The following CDKL2 variants were observed in gnomAD, a reference collection of about 807,000 sequenced individuals.
The protein encoded by CDKL2 is cyclin dependent kinase like 2, also known as cyclin-dependent kinase-like 2.
A neutral mutation model predicts 63.9 loss-of-function variants in CDKL2; 64 were observed. The ratio of observed to expected loss-of-function variants is 1.00; its 90% confidence interval spans 0.82 to 1.23. The LOEUF is 1.23. CDKL2 is among the 50% of genes most tolerant of loss of function. The probability of loss-of-function intolerance (pLI) is 0.00; values close to 1 mark genes in which losing one functional copy is unlikely to be tolerated. For missense variants in CDKL2, 656 were observed against 668.0 expected (o/e 0.98, Z 0.20); for synonymous variants, 211 against 229.2 (o/e 0.92, Z 0.72).
chr4:75,615,303 C>G (rs1415559989), intron 2 of CDKL2, among the ~76,000 whole-genome samples: 1 of 152,074 alleles, frequency 6.6e-6, no homozygotes, highest in Non-Finnish European at 1.5e-5. Context: ...AAGACTCAGA[C>G]TTTATTATAA....
chr4:75,581,614 G>A (rs967439524), intron 13 of CDKL2, among the ~76,000 whole-genome samples, 196 bp downstream of exon 13: 3 of 152,186 alleles, frequency 2.0e-5, no homozygotes, highest in Non-Finnish European at 2.9e-5. Flanking sequence ...AGAGATGTAC[G>A]CTCTGCGAAA....
intron 2 of CDKL2, among the ~76,000 whole-genome samples, chr4:75,622,715 CAAAAAAAAAAAAAA>C (rs1171964321): frequency 1.1e-3 from 16 of 13,960 alleles, no homozygotes; most frequent in East Asian, 6.5e-3. Flanking sequence ...AAGACTCCAT[CAAAAAAAAAAAAAA>C]AAAAAAAAAA....
At chr4:75,623,295 A>G (rs1730253646) in intron 2 of CDKL2, among the ~76,000 whole-genome samples, 2 of 152,128 alleles carry the variant, frequency 1.3e-5, no homozygotes, top group Admixed American at 1.3e-4. Context: ...AAACCTACTA[A>G]CTAGAATAAA....
chr4:75,586,727 T>C (rs1728497288), intron 12 of CDKL2, among the ~76,000 whole-genome samples: 1 of 152,230 alleles, frequency 6.6e-6, no homozygotes, highest in Non-Finnish European at 1.5e-5. Flanking sequence ...AACTCTGTGA[T>C]GTTGGATTAG....
At chr4:75,612,960 T>C (rs1729767604) in intron 3 of CDKL2, among the ~76,000 whole-genome samples, 1 of 152,096 alleles carries the variant, frequency 6.6e-6, no homozygotes, top group Non-Finnish European at 1.5e-5. Context: ...CCGTCTCTAC[T>C]AAAAATATAA....
chr4:75,613,327 G>C (rs1456293745), intron 3 of CDKL2, among the ~76,000 whole-genome samples: 1 of 152,124 alleles, frequency 6.6e-6, no homozygotes, highest in Non-Finnish European at 1.5e-5. Context: ...TAAAAAATTA[G>C]AGACAGTGAA....
intron 3 of CDKL2, among the ~76,000 whole-genome samples, chr4:75,612,683 C>A (rs747629320): frequency 6.6e-6 from 1 of 152,228 alleles, no homozygotes; most frequent in Non-Finnish European, 1.5e-5. Flanking sequence ...TCCTGCAAAT[C>A]CAACATTATT....
chr4:75,586,081 C>T (rs750066009), intron 12 of CDKL2, among the ~76,000 whole-genome samples: 20 of 152,098 alleles, frequency 1.3e-4, no homozygotes, highest in Non-Finnish European at 2.8e-4. Flanking sequence ...TATTCTCTGA[C>T]TACAATGGAA....
intron 2 of CDKL2, among the ~76,000 whole-genome samples, chr4:75,618,230 T>C (rs1306747032): frequency 6.8e-6 from 1 of 146,748 alleles, no homozygotes; most frequent in Non-Finnish European, 1.5e-5. Context: ...AGGCCTCCAA[T>C]TGAAAATTCT....
intron 5 of CDKL2, 76 bp from the exon 6 acceptor site, chr4:75,604,032 TA>T: frequency 7.3e-7 from 1 of 1,372,280 alleles, no homozygotes; most frequent in South Asian, 1.4e-5. Context: ...TGGTGTGAAG[TA>T]GAGGAAATAG....
At chr4:75,606,646 T>C (rs1729436580) in intron 4 of CDKL2, among the ~76,000 whole-genome samples, 1 of 152,174 alleles carries the variant, frequency 6.6e-6, no homozygotes, top group Non-Finnish European at 1.5e-5. Context: ...GGCACAAAAA[T>C]TATAACATGG....
chr4:75,627,691 A>T (rs1244108506), intron 1 of CDKL2, among the ~76,000 whole-genome samples: 1 of 151,112 alleles, frequency 6.6e-6, no homozygotes, highest in African/African-American at 2.4e-5. Context: ...AAATTAACAC[A>T]GAGCATCTTT....
At chr4:75,608,822 T>C (rs186430365) in intron 3 of CDKL2, among the ~76,000 whole-genome samples, 1 of 152,120 alleles carries the variant, frequency 6.6e-6, no homozygotes, top group East Asian at 1.9e-4. Flanking sequence ...GGTGAAACCT[T>C]GTCTTTACTA....
At position 75,584,582 on chromosome 4, in the gene CDKL2, C is replaced by G. The variant is rs11929805; in HGVS notation, c.1648-2684G>C. Among the ~76,000 whole-genome samples, 607 of 152,174 alleles carry G rather than the reference C, an allele frequency of 4.0e-3. 2 individuals are homozygous for G. Among genetic ancestry groups the G allele is most frequent in the Non-Finnish European group, 4.5e-3 (303 of 67,998 alleles). ...TATTAATTTAGTGTGTTAAGTAGTC[C>G]CCCCGATCCATGAGGGATATGTTCC... On this transcript the variant is annotated intron_variant, in intron 12 of 13. Transcript: ENST00000307465.
intron 1 of CDKL2, among the ~76,000 whole-genome samples, chr4:75,628,374 G>A (rs1038762228): frequency 5.9e-5 from 9 of 151,882 alleles, no homozygotes; most frequent in Non-Finnish European, 8.8e-5. Context: ...CTCGGCCTCC[G>A]AAAGTTCTGG....
rs761394219 is a variant in CDKL2 at position 75,625,962 on chromosome 4, C to G, written c.27G>C (p.Leu9Phe). The change falls in exon 2 of 14, where the codon TTG becomes TTC. Residue 9 changes from leucine (L) to phenylalanine (F), a missense_variant. Leu to Phe is a conservative substitution (Grantham distance 22, BLOSUM62 0). Coordinates refer to ENST00000307465, the MANE Select transcript of CDKL2 (RefSeq NM_001330724.2). MEKYENLG[L>F]VGEGSYGMVM... ...CCATTCCATAACTCCCTTCTCCAAC[C>G]AAACCCAGGTTTTCATATTTTTCCA... 3.7e-6 allele frequency: 6 copies of G among 1,608,000 alleles called. No individual in the cohort carries two copies. Among genetic ancestry groups the G allele is most frequent in the South Asian group, 1.1e-5 (1 of 88,752 alleles).
chr4:75,612,903 T>G (rs2148899267), intron 3 of CDKL2, among the ~76,000 whole-genome samples: 1 of 152,232 alleles, frequency 6.6e-6, no homozygotes, highest in African/African-American at 2.4e-5. Flanking sequence ...GGCAGGCGGA[T>G]CACGAGGTCA....
intron 4 of CDKL2, among the ~76,000 whole-genome samples, chr4:75,606,923 A>C (rs1423349017): frequency 6.6e-6 from 1 of 152,186 alleles, no homozygotes; most frequent in Non-Finnish European, 1.5e-5. Context: ...ACCTCTCTTT[A>C]CAAGTGATAA....
chr4:75,623,870 A>C (rs563214687), intron 2 of CDKL2, among the ~76,000 whole-genome samples: 2 of 152,274 alleles, frequency 1.3e-5, no homozygotes, highest in African/African-American at 4.8e-5. Context: ...GCGGTGGCTT[A>C]CACCTGTAAT....
Sources: gnomAD v4.1 joint callset for allele counts (sites outside exome capture counted in the v4.1 genomes callset) on GRCh38, gnomAD v4.1.1 for gene constraint, MANE v1.5 for transcripts, NCBI Gene and HGNC (gene_info 2026-07-23, HGNC 2026-07-21) for gene names.